NT5C2: variants seen among roughly 807,000 people sequenced by gnomAD.
NT5C2 encodes cytosolic purine 5'-nucleotidase.
A neutral mutation model predicts 76.1 loss-of-function variants in NT5C2; 58 were observed. The observed-to-expected ratio is 0.76, with a 90% CI of 0.62 to 0.95. The LOEUF is 0.95. NT5C2 is among the 40% of genes least tolerant of loss of function. NT5C2 has a pLI of 0.00. For synonymous variants in NT5C2, 229 were observed against 237.4 expected (o/e 0.96, Z 0.32); for missense variants, 478 against 690.3 (o/e 0.69, Z 3.45).
chr10:103,168,651 C>G (rs2134421764), intron 3 of NT5C2, among the ~76,000 whole-genome samples: 1 of 152,204 alleles, frequency 6.6e-6, no homozygotes, highest in East Asian at 1.9e-4. Flanking sequence ...GCCCAGAAAA[C>G]TAAACAACCA....
At chr10:103,171,831 G>A (rs2088091072) in intron 3 of NT5C2, among the ~76,000 whole-genome samples, 2 of 152,102 alleles carry the variant, frequency 1.3e-5, no homozygotes, top group Admixed American at 6.6e-5. Flanking sequence ...GACCAAGGCT[G>A]GAGGAATGCT....
chr10:103,106,706 A>G lies in NT5C2; in HGVS notation c.176T>C (p.Val59Ala), dbSNP rs1435920806. 1.9e-6 allele frequency: 3 copies of G among 1,565,594 alleles called. No individual in the cohort carries two copies. The highest frequency in any genetic ancestry group is 2.6e-6 in the Non-Finnish European group (3 of 1,136,446). The stretch of plus-strand genomic sequence containing the variant: ...GGACTCATACTCTGGGGACTTGTAC[A>G]CTGCACAAAGAGGAGGTTTTCATTA... Reference protein sequence around the residue: ...FGFDMDYTLAVYKSPEYESLG... With the variant: ...FGFDMDYTLAAYKSPEYESLG... Residue 59 changes from valine (V) to alanine (A), a missense_variant and splice_region_variant, in exon 5 of 19, where the codon GTG becomes GCG. Transcript: ENST00000404739.
chr10:103,094,291 G>A, intron 13 of NT5C2, 57 bp downstream of exon 13: 1 of 1,141,638 alleles, frequency 8.8e-7, no homozygotes, highest in Non-Finnish European at 1.3e-6. Context: ...TAAGAGTGGG[G>A]GAAGGAGAAA....
At chr10:103,094,067 CT>C in intron 13 of NT5C2, 29 bp from the exon 14 acceptor site, 1 of 1,565,820 alleles carries the variant, frequency 6.4e-7, no homozygotes, top group Non-Finnish European at 8.8e-7. Flanking sequence ...TTTTGTAATA[CT>C]TTATCATCCT....
At chr10:103,155,721 A>C (rs2083233912) in intron 3 of NT5C2, among the ~76,000 whole-genome samples, 1 of 152,198 alleles carries the variant, frequency 6.6e-6, no homozygotes, top group South Asian at 2.1e-4. Flanking sequence ...CAGTTGACAG[A>C]ACACAGAATC....
intron 4 of NT5C2, among the ~76,000 whole-genome samples, chr10:103,116,166 C>A (rs2135533098): frequency 1.3e-5 from 2 of 152,090 alleles, no homozygotes; most frequent in South Asian, 2.1e-4. Context: ...TTAGTTTCTG[C>A]CACATGATTT....
chr10:103,183,935 A>G (rs985970722), intron 1 of NT5C2, among the ~76,000 whole-genome samples: 9 of 151,540 alleles, frequency 5.9e-5, no homozygotes, highest in Non-Finnish European at 1.0e-4. Flanking sequence ...ATAGTTCATG[A>G]TAAGTTTTTG....
chr10:103,129,608 G>A (rs1229278737), intron 4 of NT5C2, among the ~76,000 whole-genome samples: 9 of 92,114 alleles, frequency 9.8e-5, no homozygotes, highest in South Asian at 3.4e-4. Flanking sequence ...CAGCCGCCCC[G>A]TCCGGGAGGG....
chr10:103,124,050 T>C (rs2135784636), intron 4 of NT5C2, among the ~76,000 whole-genome samples: 1 of 152,236 alleles, frequency 6.6e-6, no homozygotes, highest in African/African-American at 2.4e-5. Flanking sequence ...AATTTAATAA[T>C]TCTACATGTA....
At chr10:103,100,862 A>AG (rs1202564571) in intron 8 of NT5C2, 183 bp downstream of exon 8, 1 of 689,746 alleles carries the variant, frequency 1.4e-6, no homozygotes, top group Non-Finnish European at 2.7e-6. Context: ...GCCGTGTGGG[A>AG]GGTGAGAGCC....
At chr10:103,153,261 T>C (rs1371536532) in intron 3 of NT5C2, 1 of 1,272,660 alleles carries the variant, frequency 7.9e-7, no homozygotes, top group South Asian at 1.3e-5. Flanking sequence ...CTGAGAAAAA[T>C]GAAAGAGAAA....
chr10:103,129,381 C>A (rs1228523106), intron 4 of NT5C2, among the ~76,000 whole-genome samples: 1 of 116,084 alleles, frequency 8.6e-6, no homozygotes. Context: ...CCAGCCGCCC[C>A]GTCTGGGAGG....
intron 4 of NT5C2, among the ~76,000 whole-genome samples, chr10:103,136,887 T>C (rs1425196529): frequency 6.6e-6 from 1 of 152,176 alleles, no homozygotes; most frequent in African/African-American, 2.4e-5. Context: ...TCTCCCAAAG[T>C]GCTGGGATTA....
intron 11 of NT5C2, among the ~76,000 whole-genome samples, chr10:103,096,318 G>A (rs543013242): frequency 1.1e-4 from 17 of 152,284 alleles, no homozygotes; most frequent in African/African-American, 3.9e-4. Flanking sequence ...CCTTGGCTTC[G>A]CTACTGCCAT....
chr10:103,183,289 A>ATATATATATC (rs2091495818), intron 1 of NT5C2, among the ~76,000 whole-genome samples: 1 of 115,270 alleles, frequency 8.7e-6, no homozygotes, highest in Non-Finnish European at 1.8e-5. Flanking sequence ...ATATATATAT[A>ATATATATATC]TATATCACAC....
At chr10:103,120,855 A>G (rs2075515940) in intron 4 of NT5C2, among the ~76,000 whole-genome samples, 1 of 152,242 alleles carries the variant, frequency 6.6e-6, no homozygotes, top group African/African-American at 2.4e-5. Flanking sequence ...ACCAATGTTC[A>G]CAGCAGCCTA....
At chr10:103,125,444 GA>G (rs200320140) in intron 4 of NT5C2, 36 of 247,782 alleles carry the variant, frequency 1.5e-4, no homozygotes, top group Non-Finnish European at 1.8e-4. Context: ...ATGATGGAAA[GA>G]AAAAAAAATC....
intron 4 of NT5C2, among the ~76,000 whole-genome samples, chr10:103,107,855 G>A (rs2071755157): frequency 1.3e-5 from 2 of 151,814 alleles, no homozygotes; most frequent in Admixed American, 6.6e-5. Flanking sequence ...TGAAATTCAA[G>A]CAGAAAGAAA....
intron 1 of NT5C2, among the ~76,000 whole-genome samples, chr10:103,187,957 G>A (rs2092243529): frequency 6.6e-6 from 1 of 152,134 alleles, no homozygotes; most frequent in Non-Finnish European, 1.5e-5. Flanking sequence ...CAAAATCAGA[G>A]CATAACAAAA....
Sources: allele counts gnomAD v4.1 joint callset (sites outside exome capture counted in the v4.1 genomes callset), GRCh38; gene constraint gnomAD v4.1.1; transcripts MANE v1.5; gene names NCBI Gene and HGNC (gene_info 2026-07-23, HGNC 2026-07-21).